SLC22A25: variants seen among roughly 807,000 people sequenced by gnomAD.
SLC22A25 encodes solute carrier family 22 member 25, also known as MGI:2442751, MGI:2385316, MGI:3042283, MGI:3645714, MGI:3605624, MGI:2442750.
Under a neutral mutation model 45.9 loss-of-function variants are expected in SLC22A25, and 44 were observed. The observed-to-expected ratio is 0.96, with a 90% CI of 0.75 to 1.23. The LOEUF (loss-of-function observed/expected upper bound fraction) is 1.23, where lower values mean the gene tolerates loss of function less well. Among genes scored for constraint, SLC22A25 ranks in the 50% most tolerant of loss-of-function variants. The pLI is 0.00. For missense variants in SLC22A25, 800 were observed against 666.4 expected (o/e 1.20, Z -2.21); for synonymous variants, 283 against 238.6 (o/e 1.19, Z -1.72).
chr11:63,167,818 A>G (rs1840206575), intron 9 of SLC22A25: 1 of 200,386 alleles, frequency 5.0e-6, no homozygotes, highest in South Asian at 5.7e-5. Context: ...AGCTCTGCTA[A>G]GGGATAGACT....
intron 3 of SLC22A25, among the ~76,000 whole-genome samples, chr11:63,230,489 A>G (rs1349130044): frequency 6.6e-6 from 1 of 152,222 alleles, no homozygotes; most frequent in Admixed American, 6.5e-5. Context: ...TTGTAATCTG[A>G]TATTGTAAAT....
At position 63,229,977 on chromosome 11, in the gene SLC22A25, A is replaced by C. The variant is rs1458728190; in HGVS notation, c.-325T>G. Among the ~76,000 whole-genome samples, 1 of 152,234 alleles carries C rather than the reference A, an allele frequency of 6.6e-6. No homozygotes were observed. The highest frequency in any genetic ancestry group is 1.5e-5 in the Non-Finnish European group (1 of 68,036). On this transcript the variant is annotated 5_prime_UTR_variant, in exon 4 of 12. It removes an upstream start codon present in the reference 5' UTR. Transcript: ENST00000306494. ...TCTTTAGTAGCTCCCCAATAGCAGCATTGAACTTTGGTCTGCACATTTTTT... is the reference window on the plus strand; with the variant it reads ...TCTTTAGTAGCTCCCCAATAGCAGCCTTGAACTTTGGTCTGCACATTTTTT...
rs567501385 is a variant in SLC22A25, at chr11:63,185,140, T to G, written c.831-1323A>C. ...GCAATCACAAGTATTTTATTTTATT[T>G]TATTTTTTTATTATACTTTAAGGTT... On this transcript the variant is annotated intron_variant, in intron 7 of 11. Coordinates refer to ENST00000306494, the MANE Select transcript of SLC22A25 (RefSeq NM_199352.6). 3.7e-4 allele frequency among the ~76,000 whole-genome samples: 56 copies of G among 152,286 alleles called. 1 individual carries two copies. In the South Asian group the frequency reaches 0.011, roughly 31 times the overall value.
chr11:63,243,350 C>A (rs756074569), intron 1 of SLC22A25, 84 bp downstream of exon 1: 3 of 575,064 alleles, frequency 5.2e-6, no homozygotes, highest in Non-Finnish European at 9.6e-6. Flanking sequence ...AGCACCTTTA[C>A]TCTCAGCCAC....
chr11:63,233,895 C>T (rs1227054843), intron 3 of SLC22A25, among the ~76,000 whole-genome samples: 4 of 150,834 alleles, frequency 2.7e-5, no homozygotes, highest in Non-Finnish European at 4.4e-5. Context: ...CGTTATGTAC[C>T]CAGTAGTCAT....
In SLC22A25 at chr11:63,166,140, G is replaced by A; in HGVS notation, c.1189C>T (p.Pro397Ser). 1.2e-6 allele frequency: 2 copies of A among 1,614,042 alleles called. No homozygotes were observed. Among genetic ancestry groups the A allele is most frequent in the Non-Finnish European group, 1.7e-6 (2 of 1,179,968 alleles). Reference protein sequence around the residue: ...AVTLLANCVAPWALNHMSRRL... With the variant: ...AVTLLANCVASWALNHMSRRL... Reference sequence around the variant, plus strand: ...CGGCTCATGTGATTCAGTGCCCAAGGTGCAACACAATTGGCCAGGAGGGTG... The same window carrying A: ...CGGCTCATGTGATTCAGTGCCCAAGATGCAACACAATTGGCCAGGAGGGTG... Residue 397 changes from proline to serine, a missense_variant, in exon 10 of 12, where the codon CCT (proline) becomes TCT (serine). Pro to Ser is a moderately conservative substitution (Grantham distance 74). Coordinates refer to ENST00000306494, the MANE Select transcript of SLC22A25 (RefSeq NM_199352.6).
chr11:63,189,859 G>T (rs911845761), intron 7 of SLC22A25, among the ~76,000 whole-genome samples: 1 of 152,170 alleles, frequency 6.6e-6, no homozygotes, highest in South Asian at 2.1e-4. Context: ...CTTTAAGAAC[G>T]TTGAATATTG....
intron 7 of SLC22A25, among the ~76,000 whole-genome samples, chr11:63,207,959 A>G (rs1386505598): frequency 6.6e-6 from 1 of 152,150 alleles, no homozygotes; most frequent in Non-Finnish European, 1.5e-5. Flanking sequence ...GTCTTTGTTC[A>G]GGGCTCAGTC....
chr11:63,176,051 A>T (rs753582872), intron 9 of SLC22A25, among the ~76,000 whole-genome samples: 1 of 152,030 alleles, frequency 6.6e-6, no homozygotes, highest in South Asian at 2.1e-4. Flanking sequence ...TGATTTCTGC[A>T]TTCTCCATTC....
intron 8 of SLC22A25, among the ~76,000 whole-genome samples, 198 bp from the exon 9 acceptor site, chr11:63,180,973 A>C (rs1369283366): frequency 6.6e-6 from 1 of 152,184 alleles, no homozygotes; most frequent in African/African-American, 2.4e-5. Flanking sequence ...CCTCAGAGAA[A>C]TTATTTATCA....
At chr11:63,180,825 G>C (rs1163475928) in intron 8 of SLC22A25, 50 bp from the exon 9 acceptor site, 9 of 1,372,448 alleles carry the variant, frequency 6.6e-6, no homozygotes. Context: ...CAAAATGGTA[G>C]GCATTGTAAG....
intron 8 of SLC22A25, among the ~76,000 whole-genome samples, chr11:63,182,105 A>T (rs10897384): frequency 0.36 from 54,938 of 151,820 alleles, 10,283 homozygotes; most frequent in East Asian, 0.56. Context: ...CAGGAATAAG[A>T]CCACACACAT....
chr11:63,242,630 A>G (rs2090268288), intron 1 of SLC22A25, among the ~76,000 whole-genome samples: 1 of 152,142 alleles, frequency 6.6e-6, no homozygotes. Flanking sequence ...CTCCCAGTCC[A>G]CTGACTCAAA....
chr11:63,163,480 G>C lies in SLC22A25; in HGVS notation c.*344C>G, dbSNP rs1337043087. 1.3e-5 allele frequency among the ~76,000 whole-genome samples: 2 copies of C among 152,180 alleles called. No homozygotes were observed. The highest frequency in any genetic ancestry group is 2.9e-5 in the Non-Finnish European group (2 of 68,030). ...CTGTAAGCACTGGCAATCCCAGACA[G>C]CTAACAGGTACACTCACTGGGCTGA... On this transcript the variant is annotated 3_prime_UTR_variant, in exon 12 of 12. Coordinates refer to ENST00000306494, the MANE Select transcript of SLC22A25 (RefSeq NM_199352.6).
At chr11:63,197,595 A>T (rs1038937184) in intron 7 of SLC22A25, among the ~76,000 whole-genome samples, 1 of 152,200 alleles carries the variant, frequency 6.6e-6, no homozygotes, top group Non-Finnish European at 1.5e-5. Context: ...AAAGACTTAA[A>T]TGTTAGACCT....
At chr11:63,192,402 CAG>C (rs2088848649) in intron 7 of SLC22A25, among the ~76,000 whole-genome samples, 1 of 152,100 alleles carries the variant, frequency 6.6e-6, no homozygotes, top group Admixed American at 6.5e-5. Flanking sequence ...GTACACAGGA[CAG>C]AGACACTATA....
At chr11:63,166,841 T>C in intron 9 of SLC22A25, 4 of 985,284 alleles carry the variant, frequency 4.1e-6, no homozygotes, top group Non-Finnish European at 4.8e-6. Flanking sequence ...AACTTCATTA[T>C]GGTTTTATTT....
intron 5 of SLC22A25, among the ~76,000 whole-genome samples, chr11:63,227,039 T>C (rs2089976559): frequency 6.6e-6 from 1 of 152,126 alleles, no homozygotes; most frequent in Non-Finnish European, 1.5e-5. Context: ...TTTAGGGCAG[T>C]GGGCTCCCAT....
intron 7 of SLC22A25, among the ~76,000 whole-genome samples, chr11:63,205,570 C>A (rs1269133114): frequency 6.6e-6 from 1 of 152,090 alleles, no homozygotes; most frequent in African/African-American, 2.4e-5. Flanking sequence ...TGGATAAATT[C>A]CTGGACATAT....
Sources: allele counts gnomAD v4.1 joint callset (sites outside exome capture counted in the v4.1 genomes callset), GRCh38; gene constraint gnomAD v4.1.1; transcripts MANE v1.5; gene names NCBI Gene and HGNC (gene_info 2026-07-23, HGNC 2026-07-21).